The following BICC1 variants were observed in gnomAD, a reference collection of about 807,000 sequenced individuals.
The protein encoded by BICC1 is BicC family RNA binding protein 1.
BICC1 carries 43 observed loss-of-function variants against 111.0 expected under a neutral mutation model. The ratio of observed to expected loss-of-function variants is 0.39; its 90% CI spans 0.30 to 0.50. The LOEUF is 0.50. Ranked by LOEUF, BICC1 falls within the 20% of genes least tolerant of loss-of-function variation. BICC1 has a pLI of 0.88. For synonymous variants in BICC1, 467 were observed against 434.4 expected, an observed-to-expected ratio of 1.07 and a Z score of -0.93; for missense variants, 1,091 against 1,203.2, an observed-to-expected ratio of 0.91 and a Z score of 1.38.
intron 1 of BICC1, among the ~76,000 whole-genome samples, chr10:58,571,149 G>C (rs1843936994): frequency 6.6e-6 from 1 of 152,120 alleles, no homozygotes; most frequent in Non-Finnish European, 1.5e-5. Flanking sequence ...CAAGATTTTA[G>C]AAAGGCATGC....
intron 9 of BICC1, among the ~76,000 whole-genome samples, chr10:58,794,701 T>G (rs766027166): frequency 6.6e-6 from 1 of 152,186 alleles, no homozygotes; most frequent in Non-Finnish European, 1.5e-5. Flanking sequence ...ATTACAGGTG[T>G]GAGTCACTGT....
chr10:58,714,947 C>T (rs371459075), intron 3 of BICC1, among the ~76,000 whole-genome samples: 12 of 151,278 alleles, frequency 7.9e-5, no homozygotes, highest in Non-Finnish European at 1.3e-4. Flanking sequence ...TGGTGGCACA[C>T]GCCTGTAATC....
chr10:58,752,553 GGCT>G (rs1429582735), intron 3 of BICC1, among the ~76,000 whole-genome samples: 1 of 152,078 alleles, frequency 6.6e-6, no homozygotes, highest in East Asian at 1.9e-4. Flanking sequence ...TATCCTACTT[GGCT>G]GCTAGGCTGC....
intron 1 of BICC1, among the ~76,000 whole-genome samples, chr10:58,561,567 G>A (rs1379629137): frequency 6.6e-6 from 1 of 151,882 alleles, no homozygotes; most frequent in Non-Finnish European, 1.5e-5. Context: ...GATTACTATT[G>A]ATAGGTGAGA....
At position 58,789,894 on chromosome 10, in the gene BICC1, C is replaced by A. The variant is rs184185384; in HGVS notation, c.1008C>A (p.Gly336=). ...PQKKSTVYLQ[G]TIESVCLARQ... is the part of the protein sequence containing the mutation. ...AGAAATCTACCGTCTACCTCCAGGG[C>A]ACCATTGAGTCTGTCTGTCTTGCAA... The change falls in exon 8 of 21, where the codon GGC becomes GGA. Residue 336 remains glycine, a synonymous_variant. Transcript: ENST00000373886. 54 of 1,614,106 alleles carry A rather than the reference C, an allele frequency of 3.3e-5. No individual in the cohort carries two copies. In the Admixed American group the frequency reaches 5.5e-4, roughly 16 times the overall value.
rs540267985 is a variant in BICC1 at position 58,709,391 on chromosome 10, A to G, written c.307+7248A>G. Among the ~76,000 whole-genome samples the G allele has an allele frequency of 4.6e-5, 7 of 152,374 alleles. No individual in the cohort carries two copies. The South Asian group carries it at 1.4e-3, about 32-fold the overall frequency. ...CTTTCATATGCGTCTGTTTATGTGC[A>G]AACATACACCTGTGCACAAATATAT... On this transcript the variant is annotated intron_variant, in intron 3 of 20. Coordinates refer to ENST00000373886, the MANE Select transcript of BICC1 (RefSeq NM_001080512.3).
At chr10:58,650,866 A>G (rs1838425372) in intron 2 of BICC1, 1 of 152,148 alleles carries the variant, frequency 6.6e-6, no homozygotes, top group Non-Finnish European at 1.5e-5. Flanking sequence ...AAATAAATAA[A>G]TAAGTCAAAA....
intron 2 of BICC1, among the ~76,000 whole-genome samples, chr10:58,677,742 A>G (rs932002083): frequency 1.3e-5 from 2 of 152,192 alleles, no homozygotes; most frequent in Non-Finnish European, 2.9e-5. Flanking sequence ...AAGACACATA[A>G]TTGTCATATT....
chr10:58,716,865 A>G (rs1445692860), intron 3 of BICC1, among the ~76,000 whole-genome samples: 2 of 151,352 alleles, frequency 1.3e-5, no homozygotes, highest in African/African-American at 4.9e-5. Context: ...CACAGTAGCC[A>G]TACTTCACGG....
At chr10:58,667,992 T>A (rs991061760) in intron 2 of BICC1, among the ~76,000 whole-genome samples, 3 of 152,130 alleles carry the variant, frequency 2.0e-5, no homozygotes, top group Admixed American at 2.0e-4. Context: ...TTTTTTCCTT[T>A]GTCTCATCTT....
intron 2 of BICC1, among the ~76,000 whole-genome samples, chr10:58,656,580 CAG>C (rs969635659): frequency 2.5e-4 from 38 of 151,556 alleles, no homozygotes; most frequent in African/African-American, 8.7e-4. Flanking sequence ...AGCATATAAA[CAG>C]AGCCAAAGAC....
In BICC1 at chr10:58,829,814, T is replaced by C. The variant is rs1844506878; in HGVS notation, c.*923T>C. 1 of 152,148 alleles carries C rather than the reference T, an allele frequency of 6.6e-6. No homozygotes were observed. The highest frequency in any genetic ancestry group is 2.4e-5 in the African/African-American group (1 of 41,398). 9.4% of individuals were successfully genotyped at this position (152,148 alleles called of 1,614,324 possible). ...AGGACATTTATTTATATCAAACTTT[T>C]ATTTTTAGATATTATAAGCATACAG... On this transcript the variant is annotated 3_prime_UTR_variant, in exon 21 of 21. Transcript: ENST00000373886.
chr10:58,556,350 T>C (rs1407031673), intron 1 of BICC1, among the ~76,000 whole-genome samples: 1 of 152,076 alleles, frequency 6.6e-6, no homozygotes, highest in Non-Finnish European at 1.5e-5. Context: ...GTAAGGAAAA[T>C]GTATATTAAA....
Position 58,823,737 on chromosome 10 carries a change from A to T in BICC1, c.2794+3269A>T, listed in dbSNP as rs1844317963. 3.0e-6 allele frequency: 3 copies of T among 985,160 alleles called. No homozygotes were observed. In the Admixed American group the frequency reaches 1.8e-4, roughly 61 times the overall value. The allele number at this position is 985,160 out of a possible 1,614,324, so 61.0% of individuals were successfully genotyped here. ...CTGAATTGTATGTTATTCCCCCGTG[A>T]GAAAATGGAGGCCGAAGATAGTCCC... On this transcript the variant is annotated intron_variant, in intron 20 of 20. Transcript: ENST00000373886.
At chr10:58,668,038 T>G (rs1839070722) in intron 2 of BICC1, among the ~76,000 whole-genome samples, 1 of 152,020 alleles carries the variant, frequency 6.6e-6, no homozygotes, top group Non-Finnish European at 1.5e-5. Flanking sequence ...CATAATAAAT[T>G]AAAAATTGGT....
At chr10:58,569,858 G>A (rs1341052700) in intron 1 of BICC1, among the ~76,000 whole-genome samples, 3 of 152,096 alleles carry the variant, frequency 2.0e-5, no homozygotes, top group Non-Finnish European at 2.9e-5. Flanking sequence ...ACATATGTGT[G>A]CATGTGTCTT....
chr10:58,531,933 C>T (rs561655617), intron 1 of BICC1, among the ~76,000 whole-genome samples: 49 of 151,646 alleles, frequency 3.2e-4, no homozygotes, highest in African/African-American at 1.1e-3. Flanking sequence ...ACTTATGGGG[C>T]GCCATCAAGT....
At chr10:58,631,706 C>A (rs550118966) in intron 2 of BICC1, among the ~76,000 whole-genome samples, 1 of 152,214 alleles carries the variant, frequency 6.6e-6, no homozygotes, top group Non-Finnish European at 1.5e-5. Context: ...CTCTGTGTTT[C>A]CTGCTTGGTT....
chr10:58,800,048 C>A, intron 12 of BICC1, 146 bp from the exon 13 acceptor site: 1 of 603,472 alleles, frequency 1.7e-6, no homozygotes, highest in Non-Finnish European at 2.9e-6. Flanking sequence ...TGTAGTTCTC[C>A]TTGTAGATAT....
Sources: gnomAD v4.1 joint callset for allele counts (sites outside exome capture counted in the v4.1 genomes callset) on GRCh38, gnomAD v4.1.1 for gene constraint, MANE v1.5 for transcripts, NCBI Gene and HGNC (gene_info 2026-07-23, HGNC 2026-07-21) for gene names.